The following ANO2 variants were observed in gnomAD, a reference collection of about 807,000 sequenced individuals.
The protein encoded by ANO2 is anoctamin 2, also known as anoctamin-2.
A neutral mutation model predicts 124.2 loss-of-function variants in ANO2; 101 were observed. That is an observed-to-expected ratio of 0.81 (90% CI 0.69 to 0.96). The LOEUF is 0.96. ANO2 is among the 40% of genes least tolerant of loss of function. The pLI is 0.00. For synonymous variants in ANO2, 486 were observed against 482.5 expected (o/e 1.01, Z -0.09); for missense variants, 1,293 against 1,274.5 (o/e 1.01, Z -0.22).
chr12:5,571,172 G>A (rs1942090085), intron 23 of ANO2, among the ~76,000 whole-genome samples: 1 of 152,234 alleles, frequency 6.6e-6, no homozygotes, highest in Admixed American at 6.5e-5. Context: ...TGCCCAGGTA[G>A]GCTCTTCGAG....
intron 3 of ANO2, among the ~76,000 whole-genome samples, chr12:5,896,067 G>A (rs1361268840): frequency 6.6e-6 from 1 of 152,162 alleles, no homozygotes; most frequent in African/African-American, 2.4e-5. Context: ...TCACTTATAA[G>A]TGGGAGCTAA....
chr12:5,814,845 G>C (rs1412406225), intron 7 of ANO2, among the ~76,000 whole-genome samples: 1 of 152,246 alleles, frequency 6.6e-6, no homozygotes, highest in Non-Finnish European at 1.5e-5. Context: ...ATGACAAAGA[G>C]TCAAGAAACC....
At chr12:5,910,670 C>A (rs989463228) in intron 3 of ANO2, among the ~76,000 whole-genome samples, 1 of 152,040 alleles carries the variant, frequency 6.6e-6, no homozygotes, top group Non-Finnish European at 1.5e-5. Context: ...ATTCAAGAAC[C>A]CTTGATGCTG....
At chr12:5,718,741 T>C (rs1302781758) in intron 14 of ANO2, among the ~76,000 whole-genome samples, 2 of 152,242 alleles carry the variant, frequency 1.3e-5, no homozygotes, top group African/African-American at 4.8e-5. Flanking sequence ...GGTGCCAGAT[T>C]GGCAGGTAGA....
intron 20 of ANO2, among the ~76,000 whole-genome samples, chr12:5,593,459 G>A (rs1943508532): frequency 6.6e-6 from 1 of 152,182 alleles, no homozygotes; most frequent in Admixed American, 6.5e-5. Flanking sequence ...CAAACATCTT[G>A]GAGTGTTTAG....
intron 19 of ANO2, among the ~76,000 whole-genome samples, chr12:5,612,141 T>G (rs1944573395): frequency 6.6e-6 from 1 of 152,210 alleles, no homozygotes; most frequent in East Asian, 1.9e-4. Context: ...AAAACCTGAT[T>G]GAAAGAAGTC....
chr12:5,597,321 CT>C (rs1943712649), intron 20 of ANO2, among the ~76,000 whole-genome samples: 2 of 152,248 alleles, frequency 1.3e-5, no homozygotes, highest in South Asian at 4.2e-4. Flanking sequence ...CATGGTTTAG[CT>C]CCCACTTATA....
At chr12:5,922,595 C>T (rs1317667582) in intron 2 of ANO2, 25 bp downstream of exon 2, 1 of 1,481,832 alleles carries the variant, frequency 6.7e-7, no homozygotes. Flanking sequence ...CCTATCCCCC[C>T]ACCCCACCCC....
chr12:5,910,686 T>C (rs1274335472), intron 3 of ANO2, among the ~76,000 whole-genome samples: 22 of 152,188 alleles, frequency 1.4e-4, no homozygotes, highest in Non-Finnish European at 4.4e-5. Context: ...TGCTGTCATA[T>C]GGCCCCAGGA....
chr12:5,787,734 G>A lies in ANO2; in HGVS notation c.1055+11773C>T, dbSNP rs556250676. ...AGCAAATCATACTAGTTTAAATGTC[G>A]CTTCCTCAGGGAGATCTCCAATTAG... On this transcript the variant is annotated intron_variant, in intron 10 of 24. Transcript: ENST00000682330. The surrounding 1 kb of genome is among the most constrained non-coding windows in gnomAD (Gnocchi z 4.2). Among the ~76,000 whole-genome samples the A allele has an allele frequency of 5.9e-5, 9 of 152,066 alleles. No individual in the cohort carries two copies. The highest frequency in any genetic ancestry group is 1.9e-4 in the African/African-American group (8 of 41,466).
intron 1 of ANO2, among the ~76,000 whole-genome samples, chr12:5,935,290 G>C (rs1942600848): frequency 6.6e-6 from 1 of 152,112 alleles, no homozygotes; most frequent in African/African-American, 2.4e-5. Context: ...CAGAGTGTGA[G>C]AAAAGGAGGT....
chr12:5,714,469 T>C (rs1165930798), intron 14 of ANO2, among the ~76,000 whole-genome samples: 1 of 152,184 alleles, frequency 6.6e-6, no homozygotes, highest in Non-Finnish European at 1.5e-5. Flanking sequence ...CACCTTTGTT[T>C]CCTGCCTGTG....
At chr12:5,881,235 AT>A (rs1938482376) in intron 3 of ANO2, among the ~76,000 whole-genome samples, 2 of 152,256 alleles carry the variant, frequency 1.3e-5, no homozygotes, top group South Asian at 2.1e-4. Flanking sequence ...GTCAAGAGCA[AT>A]TTTTAACACA....
chr12:5,932,658 T>C (rs1403338655), intron 1 of ANO2, among the ~76,000 whole-genome samples: 8 of 151,128 alleles, frequency 5.3e-5, no homozygotes, highest in Non-Finnish European at 1.2e-4. Context: ...AGAAAGTGAC[T>C]AATAAGGAAA....
chr12:5,737,787 T>C (rs1333619291), intron 13 of ANO2, among the ~76,000 whole-genome samples: 2 of 152,208 alleles, frequency 1.3e-5, no homozygotes, highest in East Asian at 1.9e-4. Flanking sequence ...CTAGAGTTCT[T>C]TCTATTGGAA....
At chr12:5,690,645 C>T (rs929029044) in intron 14 of ANO2, among the ~76,000 whole-genome samples, 1 of 152,110 alleles carries the variant, frequency 6.6e-6, no homozygotes, top group Admixed American at 6.5e-5. Flanking sequence ...AGTATCACCT[C>T]GTAATGCGGC....
At chr12:5,621,068 G>A (rs895001986) in intron 16 of ANO2, among the ~76,000 whole-genome samples, 2 of 152,086 alleles carry the variant, frequency 1.3e-5, no homozygotes, top group Non-Finnish European at 2.9e-5. Flanking sequence ...CAGTGGAAGT[G>A]TCTGCCATTG....
chr12:5,590,330 G>C (rs771759153), intron 20 of ANO2, among the ~76,000 whole-genome samples: 28 of 152,200 alleles, frequency 1.8e-4, no homozygotes, highest in Admixed American at 1.3e-4. Context: ...CCCAGCTCTA[G>C]AGGAAAGATC....
chr12:5,668,655 T>C (rs1947851867), intron 14 of ANO2, among the ~76,000 whole-genome samples: 1 of 152,234 alleles, frequency 6.6e-6, no homozygotes, highest in African/African-American at 2.4e-5. Context: ...GCCTAGATTT[T>C]CTTCTATGGT....
Sources: gnomAD v4.1 joint callset for allele counts (sites outside exome capture counted in the v4.1 genomes callset) on GRCh38, gnomAD v4.1.1 for gene constraint, Gnocchi (gnomAD v3.1) non-coding constraint, MANE v1.5 for transcripts, NCBI Gene and HGNC (gene_info 2026-07-23, HGNC 2026-07-21) for gene names.